NR5A1: variants seen among roughly 807,000 people sequenced by gnomAD.
NR5A1 encodes the protein nuclear receptor subfamily 5 group A member 1.
A neutral mutation model predicts 42.7 loss-of-function variants in NR5A1; 6 were observed. That is an observed-to-expected ratio of 0.14 (90% confidence interval 0.08 to 0.28). NR5A1 has a LOEUF of 0.28. Ranked by LOEUF, NR5A1 falls within the 10% of genes least tolerant of loss-of-function variation. The pLI is 1.00. For missense variants in NR5A1, 442 were observed against 626.4 expected, an observed-to-expected ratio of 0.71 and a Z score of 3.14; for synonymous variants, 274 against 277.5, an observed-to-expected ratio of 0.99 and a Z score of 0.12.
At position 124,493,068 on chromosome 9, in the gene NR5A1, C is replaced by T. The variant is rs371615255; in HGVS notation, c.952G>A (p.Gly318Ser). ...ACCAGCAGGATGCTGCCCTCCTTGC[C>T]GTGCTGGACCTGGCGGTAGATGTGG... is the stretch of plus-strand genomic sequence containing the variant. Reference protein sequence around the residue: ...FDHIYRQVQHGKEGSILLVTG... With the variant: ...FDHIYRQVQHSKEGSILLVTG... The change falls in exon 5 of 7, where the codon GGC becomes AGC. Residue 318 changes from glycine to serine, a missense_variant. Transcript: ENST00000373588. The T allele has an allele frequency of 5.0e-6, 8 of 1,610,056 alleles. No homozygotes were observed. Among genetic ancestry groups the T allele is most frequent in the Middle Eastern group, 1.7e-4 (1 of 6,036 alleles).
intron 6 of NR5A1, among the ~76,000 whole-genome samples, chr9:124,485,919 G>A (rs758988427): frequency 6.6e-6 from 1 of 152,280 alleles, no homozygotes; most frequent in Non-Finnish European, 1.5e-5. Flanking sequence ...GGGTCCGGAG[G>A]GGGACAGGGA....
chr9:124,492,957 C>T (rs556292353), intron 5 of NR5A1, 73 bp downstream of exon 5: 30 of 1,475,840 alleles, frequency 2.0e-5, no homozygotes, highest in South Asian at 1.3e-4. Context: ...TCCTCCTCTC[C>T]GGGGCCCTGA....
Position 124,500,802 on chromosome 9 carries a change from A to G in NR5A1, c.245-87T>C. On this transcript the variant is annotated intron_variant, in intron 3 of 6. Transcript: ENST00000373588. This position sits in a 1 kb window ranked among gnomAD's most constrained non-coding sequence, Gnocchi z 6.9. ...CACAGATCCTTTCCAAACAAATCTGACCGCTCTCTCCCCTGCTCAACACCC... is the reference window on the plus strand; with the variant it reads ...CACAGATCCTTTCCAAACAAATCTGGCCGCTCTCTCCCCTGCTCAACACCC... 1 of 1,597,394 alleles carries G rather than the reference A, an allele frequency of 6.3e-7. No homozygotes were observed. The highest frequency in any genetic ancestry group is 8.6e-7 in the Non-Finnish European group (1 of 1,167,210).
At chr9:124,491,027 C>A in intron 6 of NR5A1, 54 bp downstream of exon 6, 3 of 923,298 alleles carry the variant, frequency 3.2e-6, no homozygotes, top group South Asian at 1.4e-5. Flanking sequence ...ACCCACCCTC[C>A]CACCCACCCG....
At chr9:124,490,273 A>T (rs1474226019) in intron 6 of NR5A1, among the ~76,000 whole-genome samples, 1 of 152,180 alleles carries the variant, frequency 6.6e-6, no homozygotes, top group Non-Finnish European at 1.5e-5. Context: ...TCTCAGCCCT[A>T]ACCACCCAGG....
At position 124,503,281 on chromosome 9, in the gene NR5A1, G is replaced by T. The variant is rs933614782; in HGVS notation, c.102+13C>A. On this transcript the variant is annotated intron_variant, in intron 2 of 6. Coordinates refer to ENST00000373588, the MANE Select transcript of NR5A1 (RefSeq NM_004959.5). The surrounding 1 kb of genome is among the most constrained non-coding windows in gnomAD (Gnocchi z 9.6). Reference sequence around the variant, plus strand: ...CCCGTCTGCCGCACCCCTGCCGCGCGCTCGCCGCTCACCTTGCAGCTCTCA... The same window carrying T: ...CCCGTCTGCCGCACCCCTGCCGCGCTCTCGCCGCTCACCTTGCAGCTCTCA... The T allele has an allele frequency of 1.2e-6, 2 of 1,607,864 alleles. No individual in the cohort carries two copies. Among genetic ancestry groups the T allele is most frequent in the Non-Finnish European group, 1.7e-6 (2 of 1,177,798 alleles).
In NR5A1 at chr9:124,500,002, T is replaced by C; in HGVS notation, c.870+88A>G. 1 of 1,596,184 alleles carries C rather than the reference T, an allele frequency of 6.3e-7. No individual in the cohort carries two copies. The highest frequency in any genetic ancestry group is 8.6e-7 in the Non-Finnish European group (1 of 1,165,882). ...TACTGCCTGAAGCCAGTGGGAAGGATGGCCCTATCCAAAGGACAGTCGGGC... is the reference window on the plus strand; with the variant it reads ...TACTGCCTGAAGCCAGTGGGAAGGACGGCCCTATCCAAAGGACAGTCGGGC... On this transcript the variant is annotated intron_variant, in intron 4 of 6. Transcript: ENST00000373588. The surrounding 1 kb of genome is among the most constrained non-coding windows in gnomAD (Gnocchi z 6.9).
chr9:124,492,722 T>TGTTATTTCCAGACCCAGGGC (rs1317837452), intron 5 of NR5A1, among the ~76,000 whole-genome samples: 9 of 152,008 alleles, frequency 5.9e-5, no homozygotes, highest in Admixed American at 5.9e-4. Context: ...AACTCCAGTG[T>TGTTATTTCCAGACCCAGGGC]GTTATTTCCA....
At chr9:124,504,785 C>A (rs1832526277) in intron 1 of NR5A1, among the ~76,000 whole-genome samples, 1 of 146,424 alleles carries the variant, frequency 6.8e-6, no homozygotes, top group African/African-American at 2.4e-5. Flanking sequence ...GGCGCAGCGC[C>A]GCCCGCCCGC....
chr9:124,493,133 G>A lies in NR5A1; in HGVS notation c.887C>T (p.Thr296Met), dbSNP rs201151141. The A allele has an allele frequency of 2.0e-5, 32 of 1,611,382 alleles. No individual in the cohort carries two copies. Among genetic ancestry groups the A allele is most frequent in the Middle Eastern group, 1.7e-4 (1 of 6,052 alleles). The change falls in exon 5 of 7, where the codon ACG (threonine) becomes ATG (methionine). Residue 296 changes from threonine (T) to methionine (M), a missense_variant. Thr to Met is a moderately conservative substitution (Grantham distance 81, BLOSUM62 -1). Transcript: ENST00000373588. ...FKELEVADQM[T>M]LLQNCWSELL... ...CTCGCTCCAGCAGTTCTGCAGCAGC[G>A]TCATCTGGTCGGCCACCTGGAAGGA...
At chr9:124,493,906 T>A (rs907691327) in intron 4 of NR5A1, among the ~76,000 whole-genome samples, 1 of 151,958 alleles carries the variant, frequency 6.6e-6, no homozygotes, top group Non-Finnish European at 1.5e-5. Context: ...GAGCCAGGGA[T>A]CCCCTGGCCC....
intron 4 of NR5A1, among the ~76,000 whole-genome samples, chr9:124,497,787 G>A (rs1001959797): frequency 7.9e-5 from 12 of 152,212 alleles, no homozygotes; most frequent in African/African-American, 2.9e-4. Context: ...CCCGGAACAC[G>A]ATGCCTCTTC....
chr9:124,494,065 T>C (rs954530477), intron 4 of NR5A1, among the ~76,000 whole-genome samples: 3 of 152,186 alleles, frequency 2.0e-5, no homozygotes, highest in Non-Finnish European at 4.4e-5. Context: ...TTCTGGGTAT[T>C]TGGAAGCACA....
chr9:124,492,778 C>T (rs1376384906), intron 5 of NR5A1, among the ~76,000 whole-genome samples: 1 of 152,222 alleles, frequency 6.6e-6, no homozygotes, highest in East Asian at 1.9e-4. Context: ...CTCTCCTCAC[C>T]ATGCCCACAC....
intron 6 of NR5A1, among the ~76,000 whole-genome samples, chr9:124,490,563 G>A (rs1182218240): frequency 2.0e-5 from 3 of 152,120 alleles, no homozygotes; most frequent in Non-Finnish European, 4.4e-5. Flanking sequence ...CTGCCTAATC[G>A]TGTTAGGAAC....
intron 6 of NR5A1, among the ~76,000 whole-genome samples, chr9:124,485,454 G>C (rs936777810): frequency 5.9e-5 from 9 of 152,184 alleles, no homozygotes; most frequent in Admixed American, 4.6e-4. Context: ...GCTGAGGCCT[G>C]TGTTGTCCAA....
intron 6 of NR5A1, among the ~76,000 whole-genome samples, chr9:124,486,528 T>G (rs1339388048): frequency 6.6e-6 from 1 of 152,132 alleles, no homozygotes; most frequent in African/African-American, 2.4e-5. Flanking sequence ...CTGGGATGCA[T>G]GTTCCTGTGG....
At chr9:124,485,416 C>G (rs1472525758) in intron 6 of NR5A1, among the ~76,000 whole-genome samples, 2 of 152,210 alleles carry the variant, frequency 1.3e-5, no homozygotes, top group Non-Finnish European at 2.9e-5. Flanking sequence ...CCTGGCAACC[C>G]TGATCCCTGG....
At chr9:124,502,546 C>A (rs1832486297) in intron 3 of NR5A1, among the ~76,000 whole-genome samples, 1 of 152,206 alleles carries the variant, frequency 6.6e-6, no homozygotes, top group Non-Finnish European at 1.5e-5. Flanking sequence ...CCAGGCTGGT[C>A]TTAAACTTCT....
Sources: gnomAD v4.1 joint callset for allele counts (sites outside exome capture counted in the v4.1 genomes callset) on GRCh38, gnomAD v4.1.1 for gene constraint, Gnocchi (gnomAD v3.1) non-coding constraint, MANE v1.5 for transcripts, NCBI Gene and HGNC (gene_info 2026-07-23, HGNC 2026-07-21) for gene names.